Variants in GRIK3 observed in about 807,000 individuals in gnomAD.
The protein encoded by GRIK3 is glutamate receptor ionotropic, kainate 3.
GRIK3 carries 29 observed loss-of-function variants against 102.5 expected under a neutral mutation model. The observed-to-expected ratio is 0.28, with a 90% CI of 0.21 to 0.39. The LOEUF (loss-of-function observed/expected upper bound fraction) is 0.39, where lower values mean the gene tolerates loss of function less well. Among genes scored for constraint, GRIK3 ranks in the 10% least tolerant of loss-of-function variants. GRIK3 has a pLI of 1.00. For synonymous variants in GRIK3, 511 were observed against 504.9 expected (o/e 1.01, Z -0.16); for missense variants, 908 against 1,252.4 (o/e 0.73, Z 4.15).
intron 10 of GRIK3, among the ~76,000 whole-genome samples, chr1:36,840,891 T>C (rs144988393): frequency 3.3e-5 from 5 of 152,324 alleles, no homozygotes; most frequent in African/African-American, 1.2e-4. Context: ...CCAGGGACCC[T>C]CTTACTGAAC....
At chr1:36,810,561 G>C (rs1461056722) in intron 13 of GRIK3, among the ~76,000 whole-genome samples, 5 of 152,226 alleles carry the variant, frequency 3.3e-5, no homozygotes, top group Admixed American at 3.3e-4. Flanking sequence ...TTCTGTACAA[G>C]AGAATGTATG....
At chr1:36,877,600 C>A (rs1052529711) in intron 3 of GRIK3, among the ~76,000 whole-genome samples, 3 of 152,236 alleles carry the variant, frequency 2.0e-5, no homozygotes, top group African/African-American at 7.2e-5. Context: ...CAGCTACACT[C>A]TGTTAATCTG....
rs1390898956 is a variant in GRIK3 at position 36,903,569 on chromosome 1, T to C, written c.116-12473A>G. Among the ~76,000 whole-genome samples the C allele has an allele frequency of 2.6e-5, 4 of 152,342 alleles. No individual in the cohort carries two copies. In the East Asian group the frequency reaches 7.7e-4, roughly 29 times the overall value. ...TGCCCAAACATGGGAGAAATCAAGATATCCTTCAGTAGATGAGTGGATACA... is the reference window on the plus strand; with the variant it reads ...TGCCCAAACATGGGAGAAATCAAGACATCCTTCAGTAGATGAGTGGATACA... On this transcript the variant is annotated intron_variant, in intron 1 of 15. Transcript: ENST00000373091.
chr1:36,855,759 G>A (rs987859969), intron 7 of GRIK3, among the ~76,000 whole-genome samples: 2 of 152,250 alleles, frequency 1.3e-5, no homozygotes, highest in Admixed American at 1.3e-4. Context: ...TGGCTGGGAA[G>A]GGAGGACCAG....
intron 1 of GRIK3, among the ~76,000 whole-genome samples, chr1:36,917,224 G>T (rs1422586445): frequency 1.3e-5 from 2 of 152,212 alleles, no homozygotes; most frequent in African/African-American, 4.8e-5. Context: ...TGAAATGGCT[G>T]TATTTATCGA....
chr1:36,803,604 T>C (rs1642466052), intron 15 of GRIK3, among the ~76,000 whole-genome samples: 1 of 152,092 alleles, frequency 6.6e-6, no homozygotes, highest in African/African-American at 2.4e-5. Context: ...CTAATTTTTG[T>C]ATTTTTAGTA....
At chr1:36,965,461 T>C (rs1312475478) in intron 1 of GRIK3, among the ~76,000 whole-genome samples, 1 of 152,184 alleles carries the variant, frequency 6.6e-6, no homozygotes, top group African/African-American at 2.4e-5. Context: ...TGAAATTGGA[T>C]TCTCTGGAGC....
intron 5 of GRIK3, among the ~76,000 whole-genome samples, chr1:36,868,489 T>C (rs898014204): frequency 8.5e-5 from 13 of 152,262 alleles, no homozygotes; most frequent in African/African-American, 2.9e-4. Flanking sequence ...AGGGAGGGAC[T>C]GTAGGGAGGA....
Position 36,890,992 on chromosome 1 carries a change from G to A in GRIK3, c.220C>T (p.Leu74=), listed in dbSNP as rs1460467162. 6.2e-7 allele frequency: 1 copy of A among 1,613,964 alleles called. No individual in the cohort carries two copies. The highest frequency in any genetic ancestry group is 1.7e-5 in the Admixed American group (1 of 60,028). The change falls in exon 2 of 16, where the codon CTG becomes TTG. Residue 74 remains leucine, a synonymous_variant. Transcript: ENST00000373091. ...TCATAGGTCAAGGTTGTGTTGGGCA[G>A]CAGAGTCCTGTTCCTGTTGATGATG... ...ANIINRNRTL[L]PNTTLTYDIQ... is the part of the protein sequence containing the mutation.
intron 1 of GRIK3, among the ~76,000 whole-genome samples, chr1:36,958,650 T>TCC (rs1355477561): frequency 3.9e-3 from 349 of 90,256 alleles, no homozygotes; most frequent in East Asian, 0.011. Context: ...GTGTGCCCAA[T>TCC]GAGCCTGTGT....
At chr1:37,002,291 A>G (rs1263153909) in intron 1 of GRIK3, among the ~76,000 whole-genome samples, 1 of 152,248 alleles carries the variant, frequency 6.6e-6, no homozygotes, top group African/African-American at 2.4e-5. Flanking sequence ...TAGTCAAAGA[A>G]GCCTGATGAT....
chr1:36,858,200 T>C (rs1342213666), intron 7 of GRIK3, among the ~76,000 whole-genome samples: 1 of 152,228 alleles, frequency 6.6e-6, no homozygotes, highest in Non-Finnish European at 1.5e-5. Context: ...CTGCTGGGAT[T>C]TGACTCTGGC....
intron 1 of GRIK3, among the ~76,000 whole-genome samples, chr1:36,939,382 C>A (rs1641695644): frequency 6.6e-6 from 1 of 152,224 alleles, no homozygotes; most frequent in South Asian, 2.1e-4. Flanking sequence ...AAAGAACAAA[C>A]CCCTTCTGCA....
chr1:36,859,779 G>A (rs1262610499), intron 6 of GRIK3, 65 bp downstream of exon 6: 1 of 1,237,502 alleles, frequency 8.1e-7, no homozygotes, highest in African/African-American at 1.5e-5. Context: ...ACAAGAGGAA[G>A]GAGAGAAGAA....
Position 36,801,465 on chromosome 1 carries a change from C to CTGG in GRIK3, c.*383_*385dup. The CTGG allele has an allele frequency of 6.0e-6, 1 of 165,836 alleles. No homozygotes were observed. Among genetic ancestry groups the CTGG allele is most frequent in the South Asian group, 1.8e-4 (1 of 5,486 alleles). The allele number at this position is 165,836 out of a possible 1,614,324, so 10.3% of individuals were successfully genotyped here. Reference sequence around the variant, plus strand: ...GCCTCACGGTCAAGCTGTAGGAGGCCTGGGCTCTTGTGGAAGAAATGGCAA... The same window carrying CTGG: ...GCCTCACGGTCAAGCTGTAGGAGGCCTGGTGGGCTCTTGTGGAAGAAATGGCAA... On this transcript the variant is annotated 3_prime_UTR_variant, in exon 16 of 16. Transcript: ENST00000373091.
intron 13 of GRIK3, among the ~76,000 whole-genome samples, chr1:36,816,070 T>C (rs1642623158): frequency 6.6e-6 from 1 of 152,040 alleles, no homozygotes; most frequent in Non-Finnish European, 1.5e-5. Flanking sequence ...TTTCAACAAG[T>C]CCTCCAGATG....
At chr1:36,983,375 G>C (rs888384553) in intron 1 of GRIK3, among the ~76,000 whole-genome samples, 9 of 152,032 alleles carry the variant, frequency 5.9e-5, no homozygotes, top group African/African-American at 1.9e-4. Flanking sequence ...GGTACACACG[G>C]CACAACGGCA....
chr1:36,832,531 T>C (rs1452693238), intron 10 of GRIK3, among the ~76,000 whole-genome samples: 1 of 152,112 alleles, frequency 6.6e-6, no homozygotes, highest in African/African-American at 2.4e-5. Context: ...GGGAAACAGG[T>C]GCTAGCCCAT....
chr1:36,867,327 G>T (rs1640796413), intron 5 of GRIK3, among the ~76,000 whole-genome samples: 1 of 152,038 alleles, frequency 6.6e-6, no homozygotes, highest in African/African-American at 2.4e-5. Flanking sequence ...TCTCAATGGG[G>T]CACCATAGTT....
Sources: allele counts gnomAD v4.1 joint callset (sites outside exome capture counted in the v4.1 genomes callset), GRCh38; gene constraint gnomAD v4.1.1; transcripts MANE v1.5; gene names NCBI Gene and HGNC (gene_info 2026-07-23, HGNC 2026-07-21).